Variants in RNF213 observed in about 807,000 individuals in gnomAD.
The protein encoded by RNF213 is E3 ubiquitin-protein ligase RNF213.
Under a neutral mutation model 514.4 loss-of-function variants are expected in RNF213, and 341 were observed. That is an observed-to-expected ratio of 0.66 (90% CI 0.61 to 0.73). The LOEUF is 0.73. RNF213 is among the 30% of genes least tolerant of loss of function. The pLI is 0.00. For missense variants in RNF213, 5,767 were observed against 6,615.6 expected, an observed-to-expected ratio of 0.87 and a Z score of 4.45; for synonymous variants, 2,655 against 2,658.2, an observed-to-expected ratio of 1.00 and a Z score of 0.04.
intron 56 of RNF213, chr17:80,381,201 T>A (rs1192765306): frequency 3.2e-6 from 2 of 630,484 alleles, no homozygotes; most frequent in Non-Finnish European, 5.6e-6. Context: ...AGAATCCACT[T>A]CAAATTAACA....
intron 56 of RNF213, 33 bp downstream of exon 56, chr17:80,381,020 G>A (rs202230519): frequency 1.6e-5 from 26 of 1,612,404 alleles, no homozygotes; most frequent in Non-Finnish European, 1.4e-5. Context: ...AATGGGCTCA[G>A]TTAAGAACCT....
At chr17:80,355,184 G>C (rs2078686924) in intron 36 of RNF213, 1 of 456,030 alleles carries the variant, frequency 2.2e-6, no homozygotes, top group Non-Finnish European at 4.4e-6. Context: ...TTTGGGCCCA[G>C]TTTTCCCATC....
Position 80,339,764 on chromosome 17 carries a change from A to G in RNF213, c.5397A>G (p.Leu1799=). 2 of 1,536,798 alleles carry G rather than the reference A, an allele frequency of 1.3e-6. No homozygotes were observed. The highest frequency in any genetic ancestry group is 1.7e-6 in the Non-Finnish European group (2 of 1,146,588). The change falls in exon 26 of 68, where the codon CTA becomes CTG. Residue 1799 remains leucine (L), a synonymous_variant. Transcript: ENST00000582970. The part of the protein sequence containing the change: ...LPAFLPDCLD[L]ETLGHCLAHL... The stretch of plus-strand genomic sequence containing the variant: ...CCTTCCTGCCCGACTGCCTCGACCT[A>G]GAGACCCTTGGCCACTGTCTGGCTC...
intron 15 of RNF213, among the ~76,000 whole-genome samples, chr17:80,313,641 ATGGTGATGGTTG>A (rs2045662389): frequency 3.4e-5 from 3 of 87,644 alleles, no homozygotes; most frequent in African/African-American, 5.6e-5. Context: ...GATGGTGGTG[ATGGTGATGGTTG>A]TGGAGGTGAT....
intron 3 of RNF213, among the ~76,000 whole-genome samples, chr17:80,277,679 G>A (rs1412738809): frequency 6.6e-6 from 1 of 151,368 alleles, no homozygotes; most frequent in Non-Finnish European, 1.5e-5. Flanking sequence ...GGTGAATGCC[G>A]ATGGGTTGTC....
Position 80,387,388 on chromosome 17 carries a change from G to A in RNF213, c.14922+497G>A, listed in dbSNP as rs1005711019. Among the ~76,000 whole-genome samples the A allele has an allele frequency of 2.0e-5, 3 of 152,206 alleles. No individual in the cohort carries two copies. In the East Asian group the frequency reaches 5.8e-4, roughly 29 times the overall value. On this transcript the variant is annotated intron_variant, in intron 63 of 67. Transcript: ENST00000582970. ...CCCAAAGTGCTGGGATTATAGGCGT[G>A]AGCCACTGCACCCAGCTGATTGTTG... is the stretch of plus-strand genomic sequence containing the variant.
chr17:80,389,505 C>G (rs562089186), intron 65 of RNF213, 138 bp downstream of exon 65: 13 of 778,558 alleles, frequency 1.7e-5, no homozygotes, highest in Non-Finnish European at 2.9e-5. Context: ...ACTGCTCACC[C>G]AGTCAGTCCA....
rs372522813 is a variant in RNF213 at position 80,381,631 on chromosome 17, G to A, written c.13882G>A (p.Ala4628Thr). The A allele has an allele frequency of 6.2e-7, 1 of 1,614,244 alleles. No homozygotes were observed. Among genetic ancestry groups the A allele is most frequent in the African/African-American group, 1.3e-5 (1 of 75,070 alleles). The change falls in exon 57 of 68, where the codon GCC (alanine) becomes ACC (threonine). Residue 4628 changes from alanine to threonine, a missense_variant. Ala to Thr is a moderately conservative substitution (Grantham distance 58). Transcript: ENST00000582970. ...CATCCTGAAGGACCTGGAGCAGTTGGCCAAGATGCTGGGACACAGTGCCGA... is the reference window on the plus strand; with the variant it reads ...CATCCTGAAGGACCTGGAGCAGTTGACCAAGATGCTGGGACACAGTGCCGA... ...QHILKDLEQL[A>T]KMLGHSADET...
At position 80,345,175 on chromosome 17, in the gene RNF213, C is replaced by A. The variant is rs747005197; in HGVS notation, c.6840C>A (p.Thr2280=). 6.2e-7 allele frequency: 1 copy of A among 1,614,134 alleles called. No homozygotes were observed. The highest frequency in any genetic ancestry group is 8.5e-7 in the Non-Finnish European group (1 of 1,180,032). ...SDQSPGKHMV[T]MDGVREEDLA... ...AAAGCCCGGGGAAGCACATGGTCACCATGGATGGGGTTAGGGAAGAAGATC... is the reference window on the plus strand; with the variant it reads ...AAAGCCCGGGGAAGCACATGGTCACAATGGATGGGGTTAGGGAAGAAGATC... Residue 2280 remains threonine, a synonymous_variant, in exon 29 of 68, where the codon ACC becomes ACA. Transcript: ENST00000582970. This position sits in a 1 kb window ranked among gnomAD's most constrained non-coding sequence, Gnocchi z 6.0.
In RNF213 at chr17:80,356,543, G is replaced by T. The variant is rs558267042; in HGVS notation, c.10863-1745G>T. ...CGATTCACCACCACTGTGTTCTGGG[G>T]ACTGGAGTCCTTTGCCCTCTCGGGA... On this transcript the variant is annotated intron_variant, in intron 36 of 67. Transcript: ENST00000582970. Among the ~76,000 whole-genome samples, 16 of 152,358 alleles carry T rather than the reference G, an allele frequency of 1.1e-4. No homozygotes were observed. In the South Asian group the frequency reaches 3.1e-3, roughly 30 times the overall value.
chr17:80,283,888 G>A (rs1481075124), intron 3 of RNF213, among the ~76,000 whole-genome samples: 1 of 152,154 alleles, frequency 6.6e-6, no homozygotes, highest in East Asian at 1.9e-4. Flanking sequence ...CATAATTAGG[G>A]AAAAACTTAA....
rs546213521 is a variant in RNF213, at chr17:80,306,678, C to T, written c.2427+210C>T. ...CATCCTGGCTAACACAGTGAAACCC[C>T]GTCTCTACTAAAAATACAAAAAAAT... On this transcript the variant is annotated intron_variant, in intron 12 of 67. Coordinates refer to ENST00000582970, the MANE Select transcript of RNF213 (RefSeq NM_001256071.3). Among the ~76,000 whole-genome samples the T allele has an allele frequency of 1.1e-4, 16 of 152,078 alleles. 1 individual carries two copies. The highest frequency in any genetic ancestry group is 6.6e-4 in the Admixed American group (10 of 15,262).
At chr17:80,305,830 G>A (rs2045338469) in intron 11 of RNF213, among the ~76,000 whole-genome samples, 1 of 151,880 alleles carries the variant, frequency 6.6e-6, no homozygotes, top group South Asian at 2.1e-4. Flanking sequence ...GTGTTGGCCA[G>A]GCTGGTTGCA....
chr17:80,302,096 G>T (rs2143509412), intron 11 of RNF213, among the ~76,000 whole-genome samples: 1 of 152,314 alleles, frequency 6.6e-6, no homozygotes, highest in Middle Eastern at 3.4e-3. Flanking sequence ...CTTCTAGAAG[G>T]AGAGAGTAGA....
intron 30 of RNF213, 91 bp from the exon 31 acceptor site, chr17:80,350,210 T>C: frequency 1.1e-6 from 1 of 875,688 alleles, no homozygotes; most frequent in Non-Finnish European, 1.9e-6. Context: ...TGTTTCTTTG[T>C]AGCCTTTATG....
chr17:80,364,570 G>GC lies in RNF213; in HGVS notation c.11871+19dup. ...CTAGACAAGGTGAGTACTTGGGCTG[G>GC]CCTCAGCACATGCACGGATCCACCC... On this transcript the variant is annotated intron_variant, in intron 42 of 67. Transcript: ENST00000582970. 2 of 1,614,084 alleles carry GC rather than the reference G, an allele frequency of 1.2e-6. No individual in the cohort carries two copies. The highest frequency in any genetic ancestry group is 1.7e-6 in the Non-Finnish European group (2 of 1,180,002).
chr17:80,271,393 C>T (rs1291876641), intron 2 of RNF213, among the ~76,000 whole-genome samples: 2 of 152,230 alleles, frequency 1.3e-5, no homozygotes, highest in Admixed American at 1.3e-4. Context: ...CCCTGCCCTC[C>T]AGATCTCAGA....
intron 64 of RNF213, 78 bp downstream of exon 64, chr17:80,388,767 C>T (rs2080341770): frequency 8.9e-7 from 1 of 1,124,654 alleles, no homozygotes; most frequent in African/African-American, 1.5e-5. Context: ...AGGCCTACTC[C>T]AGCCTTGCCC....
At chr17:80,310,636 T>C (rs1466858089) in intron 14 of RNF213, among the ~76,000 whole-genome samples, 5 of 151,684 alleles carry the variant, frequency 3.3e-5, no homozygotes, top group Non-Finnish European at 7.4e-5. Context: ...CACCACAACC[T>C]CCGCCTCCTG....
Sources: allele counts gnomAD v4.1 joint callset (sites outside exome capture counted in the v4.1 genomes callset), GRCh38; gene constraint gnomAD v4.1.1; non-coding constraint Gnocchi (gnomAD v3.1); transcripts MANE v1.5; gene names NCBI Gene and HGNC (gene_info 2026-07-23, HGNC 2026-07-21).